NELL1: variants seen among roughly 807,000 people sequenced by gnomAD.
NELL1 encodes the protein protein kinase C-binding protein NELL1.
NELL1 carries 76 observed loss-of-function variants against 107.4 expected under a neutral mutation model. That is an observed-to-expected ratio of 0.71 (90% CI 0.59 to 0.86). The LOEUF is 0.86. Among genes scored for constraint, NELL1 ranks in the 40% least tolerant of loss-of-function variants. The pLI is 0.00. For missense variants in NELL1, 1,024 were observed against 1,005.5 expected (o/e 1.02, Z -0.25); for synonymous variants, 353 against 341.2 (o/e 1.03, Z -0.38).
chr11:20,689,362 G>A (rs938053004), intron 2 of NELL1, among the ~76,000 whole-genome samples: 2 of 151,126 alleles, frequency 1.3e-5, no homozygotes, highest in African/African-American at 2.4e-5. Context: ...GTATACATGT[G>A]TCATGCTGGT....
intron 12 of NELL1, among the ~76,000 whole-genome samples, chr11:20,984,174 A>G (rs1297093553): frequency 3.9e-5 from 6 of 151,964 alleles, no homozygotes; most frequent in African/African-American, 1.2e-4. Context: ...CTAATTTTAT[A>G]TTTGTTTGTA....
chr11:20,680,221 C>A (rs2133853129), intron 2 of NELL1, among the ~76,000 whole-genome samples: 1 of 152,198 alleles, frequency 6.6e-6, no homozygotes, highest in South Asian at 2.1e-4. Context: ...TAGATTCTGT[C>A]AATTAGCACC....
In NELL1 at chr11:21,436,754, A is replaced by C. The variant is rs183959981; in HGVS notation, c.1645+65806A>C. Reference sequence around the variant, plus strand: ...TTTGAAATCTTTCAACTTTTATAAAATAGACAGTTATTGCTATTAGTGCTG... The same window carrying C: ...TTTGAAATCTTTCAACTTTTATAAACTAGACAGTTATTGCTATTAGTGCTG... On this transcript the variant is annotated intron_variant, in intron 15 of 19. Transcript: ENST00000357134. 3.3e-5 allele frequency among the ~76,000 whole-genome samples: 5 copies of C among 152,236 alleles called. No individual in the cohort carries two copies. In the East Asian group the frequency reaches 5.8e-4, roughly 18 times the overall value.
chr11:21,055,182 G>A (rs963196794), intron 12 of NELL1, among the ~76,000 whole-genome samples: 1 of 151,924 alleles, frequency 6.6e-6, no homozygotes, highest in Non-Finnish European at 1.5e-5. Context: ...AAAAAATTAT[G>A]TATACCTAAG....
At chr11:21,568,872 T>C (rs1413764445) in intron 17 of NELL1, among the ~76,000 whole-genome samples, 2 of 135,924 alleles carry the variant, frequency 1.5e-5, no homozygotes, top group Non-Finnish European at 1.5e-5. Flanking sequence ...GTTATCTCTT[T>C]TTTTTTTTTA....
chr11:21,546,887 A>ATAGT (rs1326586842), intron 16 of NELL1, among the ~76,000 whole-genome samples: 1 of 151,756 alleles, frequency 6.6e-6, no homozygotes, highest in Non-Finnish European at 1.5e-5. Flanking sequence ...ATATTAAACT[A>ATAGT]TAGTATTCAG....
At chr11:21,009,454 G>A (rs1008466120) in intron 12 of NELL1, among the ~76,000 whole-genome samples, 10 of 152,180 alleles carry the variant, frequency 6.6e-5, no homozygotes, top group African/African-American at 2.2e-4. Flanking sequence ...ATTTGACCCT[G>A]TAAGTTCTCA....
intron 13 of NELL1, among the ~76,000 whole-genome samples, chr11:21,212,824 C>A (rs567892546): frequency 9.2e-5 from 14 of 152,232 alleles, no homozygotes; most frequent in African/African-American, 3.4e-4. Flanking sequence ...TCTGCACTTA[C>A]CACTCTTGGG....
intron 14 of NELL1, among the ~76,000 whole-genome samples, chr11:21,236,720 G>T (rs952878449): frequency 2.0e-5 from 3 of 151,968 alleles, no homozygotes; most frequent in African/African-American, 7.3e-5. Flanking sequence ...CTTCTTTATT[G>T]ACCCTTTTTA....
intron 14 of NELL1, among the ~76,000 whole-genome samples, chr11:21,366,227 A>G (rs1851216390): frequency 6.6e-6 from 1 of 152,148 alleles, no homozygotes; most frequent in Non-Finnish European, 1.5e-5. Flanking sequence ...AACACAGAAG[A>G]AGGCCGACTT....
At chr11:21,180,354 G>A (rs1420174457) in intron 13 of NELL1, among the ~76,000 whole-genome samples, 1 of 151,678 alleles carries the variant, frequency 6.6e-6, no homozygotes, top group Non-Finnish European at 1.5e-5. Context: ...ACTGAAATAT[G>A]TTCTGATGTG....
chr11:21,217,119 C>G (rs1014397737), intron 13 of NELL1, among the ~76,000 whole-genome samples: 1 of 152,054 alleles, frequency 6.6e-6, no homozygotes, highest in African/African-American at 2.4e-5. Context: ...AGGGGCTATT[C>G]CCCCCTCCTT....
intron 4 of NELL1, among the ~76,000 whole-genome samples, chr11:20,872,171 A>ATTTTTTTTTTTT (rs549212186): frequency 1.9e-5 from 2 of 103,970 alleles, no homozygotes; most frequent in East Asian, 6.0e-4. Context: ...TCTATCAGAG[A>ATTTTTTTTTTTT]TTTTTTTTTT....
At chr11:20,814,709 C>G (rs1317003764) in intron 3 of NELL1, among the ~76,000 whole-genome samples, 1 of 152,154 alleles carries the variant, frequency 6.6e-6, no homozygotes, top group Non-Finnish European at 1.5e-5. Flanking sequence ...TGTTGGTGGG[C>G]ACCTAGATTG....
intron 15 of NELL1, among the ~76,000 whole-genome samples, chr11:21,455,990 C>A (rs1415277839): frequency 7.1e-6 from 1 of 140,654 alleles, no homozygotes; most frequent in Non-Finnish European, 1.5e-5. Context: ...CCAGGTCCAG[C>A]ATTTCTCCTG....
Position 21,249,394 on chromosome 11 carries a change from G to T in NELL1, c.1549+19940G>T, listed in dbSNP as rs921692214. ...TCAACAGATATATTCTTGAAAGAAG[G>T]TTTTTTTTTCTTATTCACTAAAACA... On this transcript the variant is annotated intron_variant, in intron 14 of 19. Coordinates refer to ENST00000357134, the MANE Select transcript of NELL1 (RefSeq NM_006157.5). 3.6e-4 allele frequency among the ~76,000 whole-genome samples: 54 copies of T among 149,472 alleles called. 1 individual carries two copies. The highest frequency in any genetic ancestry group is 1.1e-3 in the African/African-American group (44 of 40,720).
At chr11:21,067,469 C>T (rs555065733) in intron 12 of NELL1, among the ~76,000 whole-genome samples, 1 of 152,080 alleles carries the variant, frequency 6.6e-6, no homozygotes, top group East Asian at 1.9e-4. Context: ...TCTTCCGAGG[C>T]CTGTATGCTG....
chr11:20,707,349 T>TG (rs1854992556), intron 2 of NELL1, among the ~76,000 whole-genome samples: 1 of 145,204 alleles, frequency 6.9e-6, no homozygotes, highest in Non-Finnish European at 1.5e-5. Context: ...ACCAATCGTC[T>TG]GAAGTCTTCT....
intron 2 of NELL1, among the ~76,000 whole-genome samples, chr11:20,711,702 T>C (rs1348615982): frequency 2.0e-5 from 3 of 152,160 alleles, no homozygotes; most frequent in Non-Finnish European, 4.4e-5. Context: ...AGACTAAAGA[T>C]AGGACCCCAA....
Sources: allele counts gnomAD v4.1 joint callset (sites outside exome capture counted in the v4.1 genomes callset), GRCh38; gene constraint gnomAD v4.1.1; transcripts MANE v1.5; gene names NCBI Gene and HGNC (gene_info 2026-07-23, HGNC 2026-07-21).